Variants in SAMD12 observed in about 807,000 individuals in gnomAD.
The protein encoded by SAMD12 is sterile alpha motif domain containing 12.
SAMD12 carries 9 observed loss-of-function variants against 15.0 expected under a neutral mutation model. That is an observed-to-expected ratio of 0.60 (90% CI 0.36 to 1.05). SAMD12 has a LOEUF of 1.05. Among genes scored for constraint, SAMD12 ranks in the 50% least tolerant of loss-of-function variants. The pLI is 0.01. For synonymous variants in SAMD12, 86 were observed against 90.1 expected, an observed-to-expected ratio of 0.96 and a Z score of 0.25; for missense variants, 230 against 234.2, an observed-to-expected ratio of 0.98 and a Z score of 0.12.
chr8:118,379,566 T>G lies in SAMD12; in HGVS notation c.457A>C (p.Thr153Pro), dbSNP rs1320903049. 1 of 1,613,946 alleles carries G rather than the reference T, an allele frequency of 6.2e-7. No individual in the cohort carries two copies. The highest frequency in any genetic ancestry group is 8.5e-7 in the Non-Finnish European group (1 of 1,179,894). Residue 153 changes from threonine to proline, a missense_variant, in exon 4 of 4, where the codon ACA becomes CCA. By Grantham distance (38) the Thr-to-Pro change is conservative. Coordinates refer to ENST00000314727, the MANE Select transcript of SAMD12 (RefSeq NM_207506.3). ...REEVRNLQLL[T>P]QGTLLLPDGW... ...TCAGGAAGCAATAGGGTACCTTGTG[T>G]GAGTAACTGTAGATTTCTGACTTCT...
chr8:118,166,954 A>G, the SAMD12 span, among the ~76,000 whole-genome samples: 1 of 151,990 alleles, frequency 6.6e-6, no homozygotes, highest in Non-Finnish European at 1.5e-5. Flanking sequence ...AGAGTTTCCA[A>G]TCAGGTGCTG....
chr8:118,335,459 T>A (rs1461120151), intron 4 of SAMD12, among the ~76,000 whole-genome samples: 2 of 152,196 alleles, frequency 1.3e-5, no homozygotes, highest in African/African-American at 4.8e-5. Flanking sequence ...CCAAGTACAA[T>A]GTCAAATCGT....
At chr8:118,586,062 A>G (rs1307599794) in intron 1 of SAMD12, among the ~76,000 whole-genome samples, 1 of 152,190 alleles carries the variant, frequency 6.6e-6, no homozygotes, top group African/African-American at 2.4e-5. Context: ...TGCCTTGAAT[A>G]GAGACACTGT....
chr8:118,155,059 A>T, the SAMD12 span, among the ~76,000 whole-genome samples: 3 of 152,320 alleles, frequency 2.0e-5, no homozygotes, highest in Middle Eastern at 3.4e-3. Flanking sequence ...TTACATCTGC[A>T]TATTGGTTAT....
At chr8:118,580,944 TG>T in intron 1 of SAMD12, 51 bp from the exon 2 acceptor site, 1 of 1,422,734 alleles carries the variant, frequency 7.0e-7, no homozygotes, top group Non-Finnish European at 9.6e-7. Flanking sequence ...ATAAAGAAGG[TG>T]TCCATGACAG....
chr8:118,263,496 T>C (rs1028108911), intron 4 of SAMD12, among the ~76,000 whole-genome samples: 4 of 151,974 alleles, frequency 2.6e-5, no homozygotes, highest in African/African-American at 4.8e-5. Flanking sequence ...CACAGACAAA[T>C]GTACCCCAGA....
chr8:118,248,745 T>C (rs1450063117), intron 4 of SAMD12, among the ~76,000 whole-genome samples: 1 of 152,100 alleles, frequency 6.6e-6, no homozygotes, highest in Non-Finnish European at 1.5e-5. Flanking sequence ...GAAAGCATTC[T>C]TATAAAAGCA....
rs113596590 is a variant in SAMD12, at chr8:118,209,367, G to A, written c.434-11635C>T. ...GGTTACAATCTATATTGCAGTTAAC[G>A]AGGTTTGGAGATCTTCCCTGGGCTG... is the stretch of plus-strand genomic sequence containing the variant. On this transcript the variant is annotated intron_variant, in intron 4 of 4. Transcript: ENST00000409003. 1.6e-3 allele frequency among the ~76,000 whole-genome samples: 246 copies of A among 152,308 alleles called. 2 individuals are homozygous for A. The highest frequency in any genetic ancestry group is 5.6e-3 in the African/African-American group (234 of 41,582).
At chr8:118,595,290 C>A (rs958917739) in intron 1 of SAMD12, among the ~76,000 whole-genome samples, 2 of 152,148 alleles carry the variant, frequency 1.3e-5, no homozygotes, top group African/African-American at 4.8e-5. Flanking sequence ...TCAAATCAGA[C>A]AATGCTTCTA....
intron 2 of SAMD12, among the ~76,000 whole-genome samples, chr8:118,503,356 G>T (rs76904339): frequency 0.024 from 3,584 of 152,172 alleles, 113 homozygotes; most frequent in African/African-American, 0.076. Flanking sequence ...GCTGGGAATC[G>T]GTCTTTAATA....
intron 4 of SAMD12, among the ~76,000 whole-genome samples, chr8:118,269,611 A>G (rs1813295998): frequency 6.6e-6 from 1 of 152,088 alleles, no homozygotes; most frequent in African/African-American, 2.4e-5. Flanking sequence ...GCCTCAGTCA[A>G]TCAATACCTT....
intron 4 of SAMD12, among the ~76,000 whole-genome samples, chr8:118,371,289 T>C (rs1760849049): frequency 6.6e-6 from 1 of 152,130 alleles, no homozygotes; most frequent in African/African-American, 2.4e-5. Context: ...TATTTAACTC[T>C]GGCAATAGAA....
intron 1 of SAMD12, among the ~76,000 whole-genome samples, chr8:118,592,836 T>C (rs1465766431): frequency 1.3e-5 from 2 of 152,252 alleles, no homozygotes; most frequent in East Asian, 1.9e-4. Flanking sequence ...AAGAAAAAGA[T>C]AAAATTCTCT....
intron 1 of SAMD12, among the ~76,000 whole-genome samples, chr8:118,591,104 G>T (rs1827575733): frequency 6.6e-6 from 1 of 152,004 alleles, no homozygotes. Context: ...CTTGCTTTTG[G>T]TTACATGATA....
chr8:118,384,297 G>T (rs1387539434), intron 3 of SAMD12, among the ~76,000 whole-genome samples: 2 of 152,166 alleles, frequency 1.3e-5, no homozygotes, highest in Non-Finnish European at 2.9e-5. Flanking sequence ...AATATGGAAA[G>T]TTTTGAGCAA....
intron 4 of SAMD12, among the ~76,000 whole-genome samples, chr8:118,268,631 A>G (rs1813264225): frequency 6.6e-6 from 1 of 152,116 alleles, no homozygotes; most frequent in Non-Finnish European, 1.5e-5. Flanking sequence ...CCTGGCCAAC[A>G]TGGTGAAACC....
intron 4 of SAMD12, among the ~76,000 whole-genome samples, chr8:118,330,888 T>A (rs1333253458): frequency 6.6e-6 from 1 of 152,004 alleles, no homozygotes; most frequent in Non-Finnish European, 1.5e-5. Flanking sequence ...GGGACAAGTA[T>A]AGTAAAAGCC....
chr8:118,560,829 A>G (rs1198404053), intron 2 of SAMD12, among the ~76,000 whole-genome samples: 3 of 152,172 alleles, frequency 2.0e-5, no homozygotes, highest in Non-Finnish European at 4.4e-5. Flanking sequence ...CAATAGAGGA[A>G]AGACTGCATT....
chr8:118,345,491 G>A (rs991593381), intron 4 of SAMD12, among the ~76,000 whole-genome samples: 1 of 152,210 alleles, frequency 6.6e-6, no homozygotes, highest in African/African-American at 2.4e-5. Context: ...GGTACAATGA[G>A]GAGGGCCAAT....
Sources: gnomAD v4.1 joint callset for allele counts (sites outside exome capture counted in the v4.1 genomes callset) on GRCh38, gnomAD v4.1.1 for gene constraint, MANE v1.5 for transcripts, NCBI Gene and HGNC (gene_info 2026-07-23, HGNC 2026-07-21) for gene names.